GNAQ: variants seen among roughly 807,000 people sequenced by gnomAD.
GNAQ encodes G protein subunit alpha q.
Under a neutral mutation model 43.9 loss-of-function variants are expected in GNAQ, and 8 were observed. That is an observed-to-expected ratio of 0.18 (90% CI 0.11 to 0.33). The LOEUF is 0.33. Ranked by LOEUF, GNAQ falls within the 10% of genes least tolerant of loss-of-function variation. The pLI is 1.00. For synonymous variants in GNAQ, 155 were observed against 170.7 expected (o/e 0.91, Z 0.71); for missense variants, 158 against 450.8 (o/e 0.35, Z 5.88).
intron 4 of GNAQ, 73 bp downstream of exon 4, chr9:77,797,447 G>T: frequency 9.0e-7 from 1 of 1,109,836 alleles, no homozygotes; most frequent in Non-Finnish European, 1.4e-6. Context: ...CATGATTCCA[G>T]TATTTATAGA....
At chr9:77,829,770 G>C (rs1827266167) in intron 2 of GNAQ, among the ~76,000 whole-genome samples, 1 of 152,124 alleles carries the variant, frequency 6.6e-6, no homozygotes, top group Admixed American at 6.5e-5. Flanking sequence ...ACTGTATAGG[G>C]ATCTCCAGGT....
At chr9:77,882,018 G>A (rs1487387930) in intron 2 of GNAQ, among the ~76,000 whole-genome samples, 1 of 152,132 alleles carries the variant, frequency 6.6e-6, no homozygotes, top group Non-Finnish European at 1.5e-5. Flanking sequence ...GGCGCCTGTA[G>A]TCCCAGTTAC....
At chr9:77,805,547 T>C (rs1826815641) in intron 3 of GNAQ, among the ~76,000 whole-genome samples, 1 of 151,888 alleles carries the variant, frequency 6.6e-6, no homozygotes. Flanking sequence ...TGGGATTACA[T>C]GCGCGCAGCA....
intron 2 of GNAQ, among the ~76,000 whole-genome samples, chr9:77,843,244 T>C (rs937697740): frequency 1.3e-5 from 2 of 152,088 alleles, no homozygotes; most frequent in African/African-American, 2.4e-5. Context: ...CCTTGAGCCA[T>C]GCGGATATCT....
chr9:77,906,172 CTAAGA>C (rs1414712252), intron 2 of GNAQ, among the ~76,000 whole-genome samples: 1 of 152,156 alleles, frequency 6.6e-6, no homozygotes, highest in African/African-American at 2.4e-5. Context: ...CCAGAACAAC[CTAAGA>C]TAACAGCCCC....
chr9:78,000,481 G>T (rs1823630210), intron 1 of GNAQ, among the ~76,000 whole-genome samples: 2 of 152,142 alleles, frequency 1.3e-5, no homozygotes, highest in South Asian at 4.1e-4. Context: ...AAAAGTGGTT[G>T]CCCCTAAAAT....
At chr9:77,795,023 A>G (rs1826635417) in intron 4 of GNAQ, among the ~76,000 whole-genome samples, 1 of 152,204 alleles carries the variant, frequency 6.6e-6, no homozygotes, top group Non-Finnish European at 1.5e-5. Context: ...AGATATGACT[A>G]CAAGTATACT....
At chr9:77,823,713 G>A (rs1198327300) in intron 2 of GNAQ, among the ~76,000 whole-genome samples, 1 of 152,074 alleles carries the variant, frequency 6.6e-6, no homozygotes, top group Non-Finnish European at 1.5e-5. Context: ...ACTTTTAAAC[G>A]ATCAGATCTC....
intron 2 of GNAQ, among the ~76,000 whole-genome samples, chr9:77,852,368 T>C (rs189702234): frequency 9.8e-5 from 15 of 152,338 alleles, no homozygotes; most frequent in Non-Finnish European, 1.5e-4. Flanking sequence ...CTCCAAGGCA[T>C]AAGTGCTTTG....
At chr9:77,959,733 C>A (rs1823084969) in intron 1 of GNAQ, among the ~76,000 whole-genome samples, 1 of 151,984 alleles carries the variant, frequency 6.6e-6, no homozygotes, top group African/African-American at 2.4e-5. Flanking sequence ...TAATATTTTA[C>A]CAATACTCAA....
chr9:77,798,380 C>T (rs1279688358), intron 3 of GNAQ, among the ~76,000 whole-genome samples: 1 of 152,080 alleles, frequency 6.6e-6, no homozygotes, highest in Non-Finnish European at 1.5e-5. Flanking sequence ...AGAACATTTC[C>T]CTGTACCCTT....
chr9:77,860,884 G>T (rs1185033446), intron 2 of GNAQ, among the ~76,000 whole-genome samples: 1 of 152,138 alleles, frequency 6.6e-6, no homozygotes, highest in Non-Finnish European at 1.5e-5. Context: ...GTGGTAAGAA[G>T]AATAATGGCC....
intron 2 of GNAQ, among the ~76,000 whole-genome samples, chr9:77,910,814 A>G (rs1167149083): frequency 6.6e-6 from 1 of 152,192 alleles, no homozygotes; most frequent in Non-Finnish European, 1.5e-5. Context: ...AATCACCACT[A>G]TTTTAGAAAT....
chr9:77,774,513 G>C (rs192343656), intron 5 of GNAQ, among the ~76,000 whole-genome samples: 6 of 152,308 alleles, frequency 3.9e-5, no homozygotes, highest in Non-Finnish European at 7.3e-5. Context: ...CCAGGCTGGA[G>C]TGTAGTGGCA....
rs1449750349 is a variant in GNAQ at position 77,728,665 on chromosome 9, G to T, written c.738C>A (p.Asn246Lys). ...DQVLVESDNENRMEESKALFR... is the reference protein window; with the variant it reads ...DQVLVESDNEKRMEESKALFR... ...AGAGAGCCTTGCTTTCCTCCATTCG[G>T]TTCTGGAAAAAAAAAAAAAATCAGA... The change falls in exon 6 of 7, where the codon AAC (asparagine) becomes AAA (lysine). Residue 246 changes from asparagine to lysine, a missense_variant and splice_region_variant. Physicochemically the swap from Asn to Lys is moderately conservative, Grantham distance 94. Around this residue, in one of 9 missense-constraint regions of GNAQ, gnomAD observed 56 missense variants for 172.2 expected, o/e 0.33. Coordinates refer to ENST00000286548, the MANE Select transcript of GNAQ (RefSeq NM_002072.5). 1.3e-6 allele frequency: 2 copies of T among 1,490,814 alleles called. No homozygotes were observed. The highest frequency in any genetic ancestry group is 1.8e-6 in the Non-Finnish European group (2 of 1,113,598). The allele number at this position is 1,490,814 out of a possible 1,614,324, so 92.3% of individuals were successfully genotyped here.
intron 1 of GNAQ, among the ~76,000 whole-genome samples, chr9:78,008,644 A>G (rs566256136): frequency 6.6e-6 from 1 of 150,382 alleles, no homozygotes; most frequent in South Asian, 2.1e-4. Context: ...TTTGAGACGG[A>G]GTCTCGCTCT....
At chr9:77,806,266 A>T (rs1826828355) in intron 3 of GNAQ, among the ~76,000 whole-genome samples, 1 of 152,260 alleles carries the variant, frequency 6.6e-6, no homozygotes, top group Non-Finnish European at 1.5e-5. Flanking sequence ...CAATTCTAAA[A>T]CATATCAAGA....
intron 1 of GNAQ, among the ~76,000 whole-genome samples, chr9:77,978,183 G>T (rs1250668414): frequency 6.6e-6 from 1 of 152,102 alleles, no homozygotes; most frequent in Non-Finnish European, 1.5e-5. Flanking sequence ...ATGGTGATCA[G>T]CTTAACGAAA....
intron 1 of GNAQ, among the ~76,000 whole-genome samples, chr9:77,935,611 T>A (rs1420989274): frequency 6.6e-6 from 1 of 152,240 alleles, no homozygotes; most frequent in Non-Finnish European, 1.5e-5. Context: ...ATGCTTCTTG[T>A]GTGTTCCACA....
Sources: gnomAD v4.1 joint callset for allele counts (sites outside exome capture counted in the v4.1 genomes callset) on GRCh38, gnomAD v4.1.1 for gene constraint, gnomAD v4.1.1 regional missense constraint, MANE v1.5 for transcripts, NCBI Gene and HGNC (gene_info 2026-07-23, HGNC 2026-07-21) for gene names.